The following HOMER1 variants were observed in gnomAD, a reference collection of about 807,000 sequenced individuals.
HOMER1 encodes the protein homer scaffold protein 1, also known as homer protein homolog 1.
In HOMER1, 3 loss-of-function variants were observed where a neutral mutation model predicts 48.9. That is an observed-to-expected ratio of 0.06 (90% CI 0.03 to 0.16). The LOEUF (loss-of-function observed/expected upper bound fraction) is 0.16, where lower values mean the gene tolerates loss of function less well. HOMER1 is among the 10% of genes least tolerant of loss of function. The pLI is 1.00. For missense variants in HOMER1, 247 were observed against 411.4 expected, an observed-to-expected ratio of 0.60 and a Z score of 3.46; for synonymous variants, 134 against 146.4, an observed-to-expected ratio of 0.92 and a Z score of 0.61.
intron 5 of HOMER1, among the ~76,000 whole-genome samples, chr5:79,404,897 T>C (rs1430810422): frequency 5.3e-5 from 8 of 150,002 alleles, no homozygotes; most frequent in African/African-American, 2.0e-4. Flanking sequence ...TTAGTAGAGA[T>C]AGGGTTTCAC....
chr5:79,441,363 T>C (rs1750730661), intron 4 of HOMER1, among the ~76,000 whole-genome samples: 1 of 151,882 alleles, frequency 6.6e-6, no homozygotes, highest in Non-Finnish European at 1.5e-5. Flanking sequence ...TCCGGTCACT[T>C]TGAGGGTAAT....
chr5:79,400,355 C>CTTT (rs199554458), intron 6 of HOMER1, among the ~76,000 whole-genome samples: 2 of 141,410 alleles, frequency 1.4e-5, no homozygotes, highest in African/African-American at 5.2e-5. Flanking sequence ...CCTTTTCTTT[C>CTTT]TTTTTTTTTT....
chr5:79,493,284 T>C (rs1335080491), intron 1 of HOMER1, among the ~76,000 whole-genome samples: 1 of 152,174 alleles, frequency 6.6e-6, no homozygotes, highest in Non-Finnish European at 1.5e-5. Context: ...TTTAGACGGC[T>C]TCAAGAACAC....
At chr5:79,391,143 T>TG (rs201282806) in intron 8 of HOMER1, among the ~76,000 whole-genome samples, 65,602 of 142,734 alleles carry the variant, frequency 0.46, 16,972 homozygotes, top group African/African-American at 0.73. Flanking sequence ...TTTTTTTTTG[T>TG]TTTTTTTTTT....
At chr5:79,467,916 A>G (rs1473899255) in intron 1 of HOMER1, among the ~76,000 whole-genome samples, 1 of 152,142 alleles carries the variant, frequency 6.6e-6, no homozygotes, top group East Asian at 1.9e-4. Flanking sequence ...AGCTGGGACT[A>G]CAGATGAGCG....
chr5:79,380,866 A>G (rs1008520272), intron 8 of HOMER1, among the ~76,000 whole-genome samples: 15 of 152,160 alleles, frequency 9.9e-5, no homozygotes, highest in African/African-American at 3.6e-4. Context: ...GCAGGCCTGG[A>G]GAATGGCCTA....
intron 1 of HOMER1, among the ~76,000 whole-genome samples, chr5:79,471,650 G>A (rs749015043): frequency 8.6e-5 from 13 of 151,994 alleles, no homozygotes; most frequent in Non-Finnish European, 1.9e-4. Context: ...AGCTTCCGTG[G>A]CCTGGGTGGG....
intron 8 of HOMER1, among the ~76,000 whole-genome samples, chr5:79,388,171 A>G (rs1473708062): frequency 6.6e-6 from 1 of 152,208 alleles, no homozygotes. Flanking sequence ...AACAGTATAA[A>G]CGAAACTTGA....
chr5:79,384,910 T>C (rs993589849), intron 8 of HOMER1, among the ~76,000 whole-genome samples: 1 of 152,034 alleles, frequency 6.6e-6, no homozygotes, highest in East Asian at 1.9e-4. Context: ...CATCAATAGA[T>C]GCAGAAAAAA....
chr5:79,403,891 T>C (rs1377800227), intron 5 of HOMER1, among the ~76,000 whole-genome samples: 2 of 152,226 alleles, frequency 1.3e-5, no homozygotes, highest in South Asian at 4.1e-4. Context: ...CATGAAAGGA[T>C]AGAATCAAGC....
intron 8 of HOMER1, among the ~76,000 whole-genome samples, chr5:79,383,201 C>T (rs1749024988): frequency 6.6e-6 from 1 of 151,978 alleles, no homozygotes; most frequent in African/African-American, 2.4e-5. Flanking sequence ...ACTGGCACAC[C>T]TAAATTCATA....
chr5:79,404,260 T>C (rs528286656), intron 5 of HOMER1, among the ~76,000 whole-genome samples: 1 of 152,344 alleles, frequency 6.6e-6, no homozygotes, highest in East Asian at 1.9e-4. Flanking sequence ...GTAAAATGGA[T>C]TACCACATAT....
rs756900477 is a variant in HOMER1, at chr5:79,378,221, T to TTAAAAAAAAAAAAAAAAAA, written c.877-2025_877-2024insTTTTTTTTTTTTTTTTTTA. On this transcript the variant is annotated intron_variant, in intron 8 of 8. Transcript: ENST00000334082. ...TGGGGTGACAGAGTAAGACTCTGTC[T>TTAAAAAAAAAAAAAAAAAA]CAAAAAAAAAAAAAAAAAAAGGAAA... 2.1e-5 allele frequency among the ~76,000 whole-genome samples: 2 copies of TTAAAAAAAAAAAAAAAAAA among 97,484 alleles called. 1 individual carries two copies. Among genetic ancestry groups the TTAAAAAAAAAAAAAAAAAA allele is most frequent in the Non-Finnish European group, 3.8e-5 (2 of 51,950 alleles). The allele number at this position is 97,484 out of a possible 152,430, so 64.0% of individuals were successfully genotyped here.
intron 1 of HOMER1, among the ~76,000 whole-genome samples, chr5:79,484,802 T>C (rs1313741583): frequency 6.6e-6 from 1 of 152,228 alleles, no homozygotes; most frequent in African/African-American, 2.4e-5. Flanking sequence ...GTTCACCTTG[T>C]GTCTCCAACA....
At chr5:79,503,909 A>T (rs1752677182) in intron 1 of HOMER1, among the ~76,000 whole-genome samples, 1 of 152,210 alleles carries the variant, frequency 6.6e-6, no homozygotes, top group Non-Finnish European at 1.5e-5. Context: ...GAAACTCTGC[A>T]TTTAAGTGAA....
intron 6 of HOMER1, among the ~76,000 whole-genome samples, chr5:79,400,735 ACT>A (rs3082002): frequency 0.18 from 26,096 of 142,702 alleles, 3,326 homozygotes; most frequent in East Asian, 0.41. Context: ...AAAAAAAAAA[ACT>A]TCTTCTTTTT....
intron 1 of HOMER1, among the ~76,000 whole-genome samples, chr5:79,502,450 T>C (rs891173797): frequency 2.0e-5 from 3 of 152,170 alleles, no homozygotes; most frequent in Admixed American, 1.3e-4. Context: ...ATGTTCATTA[T>C]AGAGAAACTA....
chr5:79,473,232 C>T (rs1413725368), intron 1 of HOMER1, among the ~76,000 whole-genome samples: 1 of 152,234 alleles, frequency 6.6e-6, no homozygotes. Context: ...GCCCAACTCA[C>T]AGCCTGTGGA....
Position 79,447,059 on chromosome 5 carries a change from A to G in HOMER1, c.381T>C (p.Pro127=). Residue 127 remains proline, a synonymous_variant, in exon 4 of 9, where the codon CCT becomes CCC. Coordinates refer to ENST00000334082, the MANE Select transcript of HOMER1 (RefSeq NM_004272.5). ...ATAGAAATGATATACCCACCTGTGA[A>G]GGTGTACTGGTAAGTTCCATCTTCT... ...SQEKMELTST[P]SQESAGGDLQ... The G allele has an allele frequency of 6.3e-7, 1 of 1,577,918 alleles. No homozygotes were observed. The highest frequency in any genetic ancestry group is 8.7e-7 in the Non-Finnish European group (1 of 1,147,018).
Sources: allele counts gnomAD v4.1 joint callset (sites outside exome capture counted in the v4.1 genomes callset), GRCh38; gene constraint gnomAD v4.1.1; transcripts MANE v1.5; gene names NCBI Gene and HGNC (gene_info 2026-07-23, HGNC 2026-07-21).